RHOBTB3: variants seen among roughly 807,000 people sequenced by gnomAD.
RHOBTB3 encodes Rho related BTB domain containing 3, also known as rho-related BTB domain-containing protein 3.
In RHOBTB3, 47 loss-of-function variants were observed where a neutral mutation model predicts 67.2. That is an observed-to-expected ratio of 0.70 (90% CI 0.55 to 0.89). RHOBTB3 has a LOEUF of 0.89. Ranked by LOEUF, RHOBTB3 falls within the 40% of genes least tolerant of loss-of-function variation. The pLI is 0.00. For missense variants in RHOBTB3, 631 were observed against 750.0 expected (o/e 0.84, Z 1.85); for synonymous variants, 273 against 274.2 (o/e 1.00, Z 0.04).
chr5:95,734,923 T>G (rs1447716618), intron 2 of RHOBTB3, among the ~76,000 whole-genome samples: 4 of 152,246 alleles, frequency 2.6e-5, no homozygotes, highest in Non-Finnish European at 5.9e-5. Flanking sequence ...CTCTGGAATT[T>G]TGAACTATTT....
At chr5:95,763,164 A>G (rs1745440693) in intron 6 of RHOBTB3, among the ~76,000 whole-genome samples, 1 of 152,140 alleles carries the variant, frequency 6.6e-6, no homozygotes, top group South Asian at 2.1e-4. Context: ...GACCACATCT[A>G]CCTTTTTACT....
chr5:95,763,616 G>A lies in RHOBTB3; in HGVS notation c.1157G>A (p.Gly386Glu). 2 of 1,566,214 alleles carry A rather than the reference G, an allele frequency of 1.3e-6. No individual in the cohort carries two copies. Among genetic ancestry groups the A allele is most frequent in the Non-Finnish European group, 1.8e-6 (2 of 1,137,024 alleles). ...EKVKCILKTP[G>E]KINCLRNCKT... The stretch of plus-strand genomic sequence containing the variant: ...GTTAAATGCATTTTAAAAACACCAG[G>A]AAAGGTAAGTTGATTTGTTGTAAGT... Residue 386 changes from glycine to glutamate, a missense_variant, in exon 7 of 12, where the codon GGA becomes GAA. Coordinates refer to ENST00000379982, the MANE Select transcript of RHOBTB3 (RefSeq NM_014899.4).
At chr5:95,723,063 A>G (rs1754936942) in intron 1 of RHOBTB3, among the ~76,000 whole-genome samples, 4 of 152,246 alleles carry the variant, frequency 2.6e-5, no homozygotes. Context: ...AGTTTAGGAT[A>G]GCTGGATTTC....
At chr5:95,758,696 C>T (rs112351739) in intron 6 of RHOBTB3, among the ~76,000 whole-genome samples, 269 of 152,348 alleles carry the variant, frequency 1.8e-3, no homozygotes, top group African/African-American at 6.2e-3. Context: ...GGCCCTTCAT[C>T]GTCTAGACCA....
chr5:95,735,984 C>G (rs924445530), intron 2 of RHOBTB3, among the ~76,000 whole-genome samples: 2 of 152,068 alleles, frequency 1.3e-5, no homozygotes, highest in Non-Finnish European at 2.9e-5. Flanking sequence ...CACCTGTAGT[C>G]CCAGCTACTC....
upstream of RHOBTB3, among the ~76,000 whole-genome samples, chr5:95,729,098 AATAACT>A: frequency 6.6e-6 from 1 of 152,334 alleles, no homozygotes; most frequent in South Asian, 2.1e-4. Context: ...ATAATCAAGA[AATAACT>A]ATAAGTATAC....
chr5:95,769,366 C>G, intron 8 of RHOBTB3: 4 of 428,576 alleles, frequency 9.3e-6, no homozygotes, highest in South Asian at 7.8e-5. Context: ...CTTGCACTCC[C>G]TATGGTCAAG....
intron 2 of RHOBTB3, 67 bp from the exon 3 acceptor site, chr5:95,736,822 C>T (rs1755463633): frequency 6.6e-6 from 7 of 1,067,714 alleles, no homozygotes; most frequent in Non-Finnish European, 8.0e-6. Context: ...AAATTAATGT[C>T]ATAAATTATT....
chr5:95,761,512 T>G (rs528328831), intron 6 of RHOBTB3, among the ~76,000 whole-genome samples: 118 of 152,160 alleles, frequency 7.8e-4, no homozygotes, highest in African/African-American at 2.8e-3. Context: ...CCAGCTAATT[T>G]TTGTATTTTT....
At position 95,745,578 on chromosome 5, in the gene RHOBTB3, A is replaced by T. The variant is rs147752804; in HGVS notation, c.416-2755A>T. Among the ~76,000 whole-genome samples the T allele has an allele frequency of 3.2e-3, 487 of 152,294 alleles. 3 individuals carry two copies. The highest frequency in any genetic ancestry group is 9.0e-3 in the Admixed American group (138 of 15,310). ...GGCAATGTTGTAAGAATTAACCTGC[A>T]GGTTCCCAAAGCCACTACTTTTCAA... On this transcript the variant is annotated intron_variant, in intron 3 of 11. Transcript: ENST00000379982.
rs757617291 is a variant in RHOBTB3, at chr5:95,755,405, C to T, written c.692C>T (p.Pro231Leu). ...TTCTTTTTCAAAACAGAAAAAATGC[C>T]TGTCTTAAAGGCTGAAGCGTCACAT... Reference protein sequence around the residue: ...PPQLEQPEKMPVLKAEASHYN... With the variant: ...PPQLEQPEKMLVLKAEASHYN... Residue 231 changes from proline to leucine, a missense_variant, in exon 6 of 12, where the codon CCT becomes CTT. Coordinates refer to ENST00000379982, the MANE Select transcript of RHOBTB3 (RefSeq NM_014899.4). 1 of 1,504,348 alleles carries T rather than the reference C, an allele frequency of 6.6e-7. No homozygotes were observed. 93.2% of individuals were successfully genotyped at this position (1,504,348 alleles called of 1,614,324 possible).
At chr5:95,720,345 TA>T (rs1754832622) in intron 1 of RHOBTB3, among the ~76,000 whole-genome samples, 1 of 152,208 alleles carries the variant, frequency 6.6e-6, no homozygotes, top group African/African-American at 2.4e-5. Context: ...CTTCCTGCAA[TA>T]AAAATATTTG....
intron 4 of RHOBTB3, 59 bp from the exon 5 acceptor site, chr5:95,752,180 T>G (rs1745109620): frequency 9.5e-7 from 1 of 1,051,214 alleles, no homozygotes; most frequent in Admixed American, 2.3e-5. Flanking sequence ...AGATGCAAAT[T>G]TTCATGTTGG....
intron 8 of RHOBTB3, among the ~76,000 whole-genome samples, chr5:95,776,197 G>A (rs1561453546): frequency 1.3e-5 from 2 of 151,906 alleles, no homozygotes; most frequent in African/African-American, 2.4e-5. Flanking sequence ...ACCTGAGGTC[G>A]GGAGTTCCAG....
intron 10 of RHOBTB3, among the ~76,000 whole-genome samples, chr5:95,785,069 CA>C (rs2112836182): frequency 6.6e-6 from 1 of 152,318 alleles, no homozygotes; most frequent in Admixed American, 6.5e-5. Flanking sequence ...TCTCCATCCA[CA>C]TTGCTAAAAT....
At chr5:95,752,140 A>G in intron 4 of RHOBTB3, 99 bp from the exon 5 acceptor site, 2 of 711,966 alleles carry the variant, frequency 2.8e-6, no homozygotes, top group African/African-American at 1.8e-5. Flanking sequence ...AATGGTACTG[A>G]CGTTTAAAAT....
intron 6 of RHOBTB3, among the ~76,000 whole-genome samples, chr5:95,759,452 C>T (rs915474968): frequency 6.6e-6 from 1 of 152,116 alleles, no homozygotes; most frequent in Non-Finnish European, 1.5e-5. Flanking sequence ...TGTATTTGCA[C>T]AGAAAAGACA....
intron 8 of RHOBTB3, among the ~76,000 whole-genome samples, chr5:95,775,469 T>C (rs972222127): frequency 1.2e-4 from 18 of 150,194 alleles, no homozygotes; most frequent in African/African-American, 4.4e-4. Context: ...TGTATATACA[T>C]ATCTCTCTCT....
chr5:95,767,115 G>A (rs979733920), intron 7 of RHOBTB3, among the ~76,000 whole-genome samples: 3 of 152,056 alleles, frequency 2.0e-5, no homozygotes, highest in Non-Finnish European at 4.4e-5. Context: ...GGAGGCTGAG[G>A]CACGAGAAGC....
Sources: allele counts gnomAD v4.1 joint callset (sites outside exome capture counted in the v4.1 genomes callset), GRCh38; gene constraint gnomAD v4.1.1; transcripts MANE v1.5; gene names NCBI Gene and HGNC (gene_info 2026-07-23, HGNC 2026-07-21).